The following SLIT3 variants were observed in gnomAD, a reference collection of about 807,000 sequenced individuals.
SLIT3 encodes the protein slit guidance ligand 3.
A neutral mutation model predicts 184.0 loss-of-function variants in SLIT3; 68 were observed. That is an observed-to-expected ratio of 0.37 (90% confidence interval 0.30 to 0.45). The LOEUF is 0.45. Ranked by LOEUF, SLIT3 falls within the 20% of genes least tolerant of loss-of-function variation. The pLI is 1.00. For missense variants in SLIT3, 1,707 were observed against 2,026.0 expected (o/e 0.84, Z 3.02); for synonymous variants, 831 against 828.6 (o/e 1.00, Z -0.05).
chr5:169,168,771 C>T (rs1283665577), intron 4 of SLIT3, among the ~76,000 whole-genome samples: 1 of 152,238 alleles, frequency 6.6e-6, no homozygotes, highest in African/African-American at 2.4e-5. Context: ...GTCAGGGATG[C>T]TCTGATGGCT....
intron 4 of SLIT3, among the ~76,000 whole-genome samples, chr5:168,965,851 G>A (rs1302384228): frequency 1.3e-5 from 2 of 152,172 alleles, no homozygotes; most frequent in East Asian, 3.8e-4. Context: ...GTGAACTCAT[G>A]CCAGCGCACG....
chr5:169,233,128 C>T (rs1446202974), intron 3 of SLIT3, among the ~76,000 whole-genome samples: 2 of 152,082 alleles, frequency 1.3e-5, no homozygotes, highest in African/African-American at 2.4e-5. Context: ...TGGGTTCAAG[C>T]GATTCTCCTG....
chr5:168,848,415 G>A (rs1758557326), intron 5 of SLIT3, among the ~76,000 whole-genome samples: 1 of 152,280 alleles, frequency 6.6e-6, no homozygotes, highest in South Asian at 2.1e-4. Flanking sequence ...ATGGGTCCAG[G>A]ATGAAGATGG....
At chr5:168,703,894 G>A (rs547256684) in intron 26 of SLIT3, among the ~76,000 whole-genome samples, 11 of 135,722 alleles carry the variant, frequency 8.1e-5, no homozygotes, top group African/African-American at 2.5e-4. Flanking sequence ...GCAGTGAGCC[G>A]AGATTATGCC....
chr5:169,170,461 G>C (rs1275193543), intron 4 of SLIT3, among the ~76,000 whole-genome samples: 1 of 152,156 alleles, frequency 6.6e-6, no homozygotes, highest in East Asian at 1.9e-4. Flanking sequence ...GGGCTTGCAG[G>C]CTTCAGTCAC....
At chr5:168,903,774 G>C (rs1760949434) in intron 4 of SLIT3, among the ~76,000 whole-genome samples, 1 of 151,728 alleles carries the variant, frequency 6.6e-6, no homozygotes, top group African/African-American at 2.4e-5. Flanking sequence ...ATAAAGATCA[G>C]AGAATCATGG....
chr5:169,076,298 T>C (rs1758739130), intron 4 of SLIT3, among the ~76,000 whole-genome samples: 1 of 152,174 alleles, frequency 6.6e-6, no homozygotes, highest in Non-Finnish European at 1.5e-5. Flanking sequence ...AGACCATATA[T>C]TAGCACTAGA....
At chr5:168,871,948 T>C (rs1269546390) in intron 5 of SLIT3, among the ~76,000 whole-genome samples, 1 of 152,118 alleles carries the variant, frequency 6.6e-6, no homozygotes, top group South Asian at 2.1e-4. Flanking sequence ...CAGAGATTCT[T>C]TGGGGAAGCA....
At chr5:169,187,896 T>C (rs112270763) in intron 4 of SLIT3, among the ~76,000 whole-genome samples, 329 of 150,232 alleles carry the variant, frequency 2.2e-3, no homozygotes, top group African/African-American at 7.6e-3. Context: ...TGTGAACCCA[T>C]GTGTCCCTCA....
chr5:169,246,283 T>C (rs1765587851), intron 2 of SLIT3, among the ~76,000 whole-genome samples: 1 of 152,182 alleles, frequency 6.6e-6, no homozygotes, highest in South Asian at 2.1e-4. Flanking sequence ...TTTCTATTAC[T>C]TCTGGCCCCT....
chr5:169,138,931 A>G (rs1761624389), intron 4 of SLIT3, among the ~76,000 whole-genome samples: 1 of 152,252 alleles, frequency 6.6e-6, no homozygotes, highest in Non-Finnish European at 1.5e-5. Flanking sequence ...GTTGCTCATG[A>G]CTGATGGCAG....
At chr5:168,993,489 C>T (rs1755401862) in intron 4 of SLIT3, among the ~76,000 whole-genome samples, 2 of 152,214 alleles carry the variant, frequency 1.3e-5, no homozygotes, top group African/African-American at 4.8e-5. Context: ...AAGTGAAAGG[C>T]CAGACAAAAT....
intron 4 of SLIT3, among the ~76,000 whole-genome samples, chr5:169,117,744 G>T (rs1760730007): frequency 6.6e-6 from 1 of 152,180 alleles, no homozygotes; most frequent in Non-Finnish European, 1.5e-5. Context: ...ACCCAAAGGG[G>T]TCTCTATTCT....
At chr5:168,988,915 C>A (rs568261328) in intron 4 of SLIT3, among the ~76,000 whole-genome samples, 5 of 152,190 alleles carry the variant, frequency 3.3e-5, no homozygotes, top group African/African-American at 9.7e-5. Context: ...CAGCATTTGT[C>A]CTCACTGTTC....
intron 4 of SLIT3, chr5:169,023,482 T>C (rs1402977384): frequency 6.6e-6 from 1 of 152,192 alleles, no homozygotes; most frequent in African/African-American, 2.4e-5. Flanking sequence ...GATATGTGCA[T>C]TGAGAAGAGG....
chr5:168,891,620 A>C (rs1760464151), intron 4 of SLIT3, among the ~76,000 whole-genome samples: 1 of 152,128 alleles, frequency 6.6e-6, no homozygotes, highest in Non-Finnish European at 1.5e-5. Context: ...GCTGTGACTG[A>C]GGGTGAAGGC....
chr5:169,168,888 T>G (rs1021988358), intron 4 of SLIT3, among the ~76,000 whole-genome samples: 1 of 152,090 alleles, frequency 6.6e-6, no homozygotes, highest in Non-Finnish European at 1.5e-5. Context: ...CATTGGCCAG[T>G]GGCCAGAGAC....
Position 168,708,081 on chromosome 5 carries a change from A to G in SLIT3, c.2739T>C (p.Ile913=), listed in dbSNP as rs1386700524. The G allele has an allele frequency of 6.2e-7, 1 of 1,614,146 alleles. No individual in the cohort carries two copies. ...FQCKGPVDIN[I]VAKCNACLSS... The stretch of plus-strand genomic sequence containing the variant: ...AGAGGCAGGCATTGCATTTGGCCAC[A>G]ATGTTGATGTCCACTGGCCCTGGGC... Residue 913 remains isoleucine, a synonymous_variant, in exon 26 of 36, where the codon ATT becomes ATC. Transcript: ENST00000519560.
At chr5:168,749,056 G>A (rs1754603979) in intron 19 of SLIT3, among the ~76,000 whole-genome samples, 1 of 152,170 alleles carries the variant, frequency 6.6e-6, no homozygotes, top group African/African-American at 2.4e-5. Flanking sequence ...GAAGACTGAG[G>A]CCAGGGCTCC....
Sources: gnomAD v4.1 joint callset for allele counts (sites outside exome capture counted in the v4.1 genomes callset) on GRCh38, gnomAD v4.1.1 for gene constraint, MANE v1.5 for transcripts, NCBI Gene and HGNC (gene_info 2026-07-23, HGNC 2026-07-21) for gene names.